Variants in SLC24A3 observed in about 807,000 individuals in gnomAD.
SLC24A3 encodes solute carrier family 24 member 3, also known as sodium/potassium/calcium exchanger 3.
SLC24A3 carries 28 observed loss-of-function variants against 75.8 expected under a neutral mutation model. The ratio of observed to expected loss-of-function variants is 0.37; its 90% CI spans 0.27 to 0.51. SLC24A3 has a LOEUF of 0.51. SLC24A3 is among the 20% of genes least tolerant of loss of function. SLC24A3 has a pLI of 0.94. For missense variants in SLC24A3, 663 were observed against 847.8 expected (o/e 0.78, Z 2.71); for synonymous variants, 372 against 334.1 (o/e 1.11, Z -1.24).
At chr20:19,434,318 G>A (rs975466037) in intron 2 of SLC24A3, among the ~76,000 whole-genome samples, 1 of 152,156 alleles carries the variant, frequency 6.6e-6, no homozygotes, top group African/African-American at 2.4e-5. Flanking sequence ...GAGGGCTTGG[G>A]AAAGCTCTCT....
intron 3 of SLC24A3, among the ~76,000 whole-genome samples, chr20:19,558,370 C>A (rs1029385339): frequency 6.6e-6 from 1 of 152,060 alleles, no homozygotes; most frequent in Non-Finnish European, 1.5e-5. Flanking sequence ...ACAGAGAATT[C>A]TCTTATACCA....
chr20:19,566,549 C>T (rs2030961199), intron 3 of SLC24A3, among the ~76,000 whole-genome samples: 1 of 152,198 alleles, frequency 6.6e-6, no homozygotes, highest in African/African-American at 2.4e-5. Flanking sequence ...GAACCTCAAT[C>T]ATCTATGCCT....
In SLC24A3 at chr20:19,346,222, G is replaced by GGTATATATATATGGTGTATA. The variant is rs1436825129; in HGVS notation, c.271+65135_271+65136insGTATATATATATGGTGTATA. The stretch of plus-strand genomic sequence containing the variant: ...TATGGTATATATATATGGTGTATAT[G>GGTATATATATATGGTGTATA]TATATATGGTATATATATATGGTGT... On this transcript the variant is annotated intron_variant, in intron 2 of 16. Coordinates refer to ENST00000328041, the MANE Select transcript of SLC24A3 (RefSeq NM_020689.4). 1.9e-3 allele frequency among the ~76,000 whole-genome samples: 53 copies of GGTATATATATATGGTGTATA among 27,926 alleles called. 8 individuals carry two copies. Among genetic ancestry groups the GGTATATATATATGGTGTATA allele is most frequent in the Non-Finnish European group, 2.4e-3 (44 of 18,650 alleles). 18.3% of individuals were successfully genotyped at this position (27,926 alleles called of 152,430 possible).
chr20:19,346,274 G>GTGTA (rs1555788943), intron 2 of SLC24A3, among the ~76,000 whole-genome samples: 1 of 67,740 alleles, frequency 1.5e-5, no homozygotes, highest in Non-Finnish European at 2.6e-5. Context: ...TATATATGGT[G>GTGTA]TATATATATA....
intron 4 of SLC24A3, among the ~76,000 whole-genome samples, chr20:19,582,652 C>T (rs909818979): frequency 5.9e-5 from 9 of 152,218 alleles, no homozygotes; most frequent in Admixed American, 3.9e-4. Context: ...TGTGAAATGA[C>T]AGCCCCTAGA....
At chr20:19,275,330 G>A (rs1156487101) in intron 1 of SLC24A3, among the ~76,000 whole-genome samples, 1 of 152,190 alleles carries the variant, frequency 6.6e-6, no homozygotes, top group Non-Finnish European at 1.5e-5. Flanking sequence ...AGATGGTATA[G>A]GAAGGGTGCT....
At chr20:19,690,030 C>CAAAAAAAAAA (rs538406361) in intron 12 of SLC24A3, among the ~76,000 whole-genome samples, 2 of 87,812 alleles carry the variant, frequency 2.3e-5, no homozygotes, top group Non-Finnish European at 4.1e-5. Flanking sequence ...GACTCTGTCT[C>CAAAAAAAAAA]AAAAAAAAAA....
chr20:19,683,295 T>C (rs1683220701), intron 10 of SLC24A3, among the ~76,000 whole-genome samples: 1 of 152,240 alleles, frequency 6.6e-6, no homozygotes, highest in African/African-American at 2.4e-5. Flanking sequence ...TATTAGCCAG[T>C]GTTTCCAGAG....
intron 1 of SLC24A3, among the ~76,000 whole-genome samples, chr20:19,227,411 T>C (rs1981898807): frequency 6.6e-6 from 1 of 151,650 alleles, no homozygotes; most frequent in South Asian, 2.1e-4. Flanking sequence ...TTTTTTGGCA[T>C]AGAGGATTCT....
In SLC24A3 at chr20:19,330,903, C is replaced by A. The variant is rs556526279; in HGVS notation, c.271+49816C>A. ...CACATGTGATACACCTTCCTTTCTG[C>A]AGTATTCTGGCAAGGAAGGCATGAC... On this transcript the variant is annotated intron_variant, in intron 2 of 16. Transcript: ENST00000328041. Among the ~76,000 whole-genome samples, 5 of 152,290 alleles carry A rather than the reference C, an allele frequency of 3.3e-5. No homozygotes were observed. The South Asian group carries it at 1.0e-3, about 32-fold the overall frequency.
At position 19,325,777 on chromosome 20, in the gene SLC24A3, CAT is replaced by C. The variant is rs1164485509; in HGVS notation, c.271+44708_271+44709del. Reference sequence around the variant, plus strand: ...GTATACATACATACATATATATATACATATATATATATATATATAGAGAGAGA... The same window carrying C: ...GTATACATACATACATATATATATACATATATATATATATATAGAGAGAGA... On this transcript the variant is annotated intron_variant, in intron 2 of 16. Transcript: ENST00000328041. Among the ~76,000 whole-genome samples, 113 of 58,392 alleles carry C rather than the reference CAT, an allele frequency of 1.9e-3. 1 individual carries two copies. Among genetic ancestry groups the C allele is most frequent in the Middle Eastern group, 0.01 (1 of 96 alleles). 38.3% of individuals were successfully genotyped at this position (58,392 alleles called of 152,430 possible).
intron 2 of SLC24A3, among the ~76,000 whole-genome samples, chr20:19,486,074 G>A (rs1474131853): frequency 6.6e-6 from 1 of 152,054 alleles, no homozygotes; most frequent in African/African-American, 2.4e-5. Context: ...GGGAATTTCA[G>A]CTCCATCTCA....
At chr20:19,564,280 C>T (rs2148156) in intron 3 of SLC24A3, among the ~76,000 whole-genome samples, 103,570 of 152,096 alleles carry the variant, frequency 0.68, 36,303 homozygotes, top group Non-Finnish European at 0.76. Flanking sequence ...AGCTTCCTCT[C>T]ATGTTGCTGA....
intron 2 of SLC24A3, among the ~76,000 whole-genome samples, chr20:19,299,438 A>G (rs1464243238): frequency 6.6e-6 from 1 of 152,056 alleles, no homozygotes; most frequent in African/African-American, 2.4e-5. Flanking sequence ...GCCTCCGTCC[A>G]TGTGTCAGAC....
intron 2 of SLC24A3, among the ~76,000 whole-genome samples, chr20:19,379,376 C>G (rs1415831529): frequency 6.6e-6 from 1 of 152,132 alleles, no homozygotes; most frequent in Non-Finnish European, 1.5e-5. Flanking sequence ...GCCAAGATGC[C>G]AGCCACGTGG....
chr20:19,611,410 C>A (rs1246079003), intron 6 of SLC24A3, among the ~76,000 whole-genome samples: 1 of 152,160 alleles, frequency 6.6e-6, no homozygotes, highest in Non-Finnish European at 1.5e-5. Flanking sequence ...GATAGCTCAA[C>A]CAGGATTCTT....
At chr20:19,286,048 G>A (rs1983808602) in intron 2 of SLC24A3, among the ~76,000 whole-genome samples, 1 of 152,126 alleles carries the variant, frequency 6.6e-6, no homozygotes, top group Non-Finnish European at 1.5e-5. Context: ...CTTTGGTGTG[G>A]GCTTCACTGT....
chr20:19,396,964 T>C (rs1307123594), intron 2 of SLC24A3, among the ~76,000 whole-genome samples: 3 of 152,168 alleles, frequency 2.0e-5, no homozygotes, highest in African/African-American at 7.2e-5. Context: ...CCTGTGTTAG[T>C]ATAGGTGGAA....
At chr20:19,587,878 C>T (rs1439025311) in intron 6 of SLC24A3, among the ~76,000 whole-genome samples, 1 of 152,144 alleles carries the variant, frequency 6.6e-6, no homozygotes, top group Admixed American at 6.5e-5. Flanking sequence ...CAGTTAGACA[C>T]CATTAGCTAT....
Sources: allele counts gnomAD v4.1 joint callset (sites outside exome capture counted in the v4.1 genomes callset), GRCh38; gene constraint gnomAD v4.1.1; transcripts MANE v1.5; gene names NCBI Gene and HGNC (gene_info 2026-07-23, HGNC 2026-07-21).